PDE11A: variants seen among roughly 807,000 people sequenced by gnomAD.
PDE11A encodes dual 3',5'-cyclic-AMP and -GMP phosphodiesterase 11A.
In PDE11A, 100 loss-of-function variants were observed where a neutral mutation model predicts 100.5. The observed-to-expected ratio is 1.00, with a 90% CI of 0.85 to 1.18. PDE11A has a LOEUF of 1.18. Ranked by LOEUF, PDE11A falls within the 50% of genes most tolerant of loss-of-function variation. The probability of loss-of-function intolerance (pLI) is 0.00; values close to 1 mark genes in which losing one functional copy is unlikely to be tolerated. For missense variants in PDE11A, 1,141 were observed against 1,152.6 expected (o/e 0.99, Z 0.15); for synonymous variants, 381 against 420.8 (o/e 0.91, Z 1.16).
intron 9 of PDE11A, among the ~76,000 whole-genome samples, chr2:177,772,126 T>TA (rs1380661543): frequency 3.3e-5 from 5 of 152,204 alleles, no homozygotes; most frequent in African/African-American, 9.6e-5. Context: ...GACTTTTTTT[T>TA]ACTGAGTTTA....
At chr2:177,661,064 T>C (rs1364071560) in intron 19 of PDE11A, among the ~76,000 whole-genome samples, 1 of 152,170 alleles carries the variant, frequency 6.6e-6, no homozygotes, top group African/African-American at 2.4e-5. Context: ...CCCAGCTCTC[T>C]CTATGAGAGT....
intron 15 of PDE11A, among the ~76,000 whole-genome samples, chr2:177,684,005 C>G (rs2080905862): frequency 6.6e-6 from 1 of 152,112 alleles, no homozygotes; most frequent in Non-Finnish European, 1.5e-5. Context: ...AATTTGTAAA[C>G]AATATTAATA....
At chr2:178,047,040 ATTT>A (rs200317102) in intron 1 of PDE11A, among the ~76,000 whole-genome samples, 1 of 144,188 alleles carries the variant, frequency 6.9e-6, no homozygotes, top group Admixed American at 7.0e-5. Context: ...ACTTTCTGGG[ATTT>A]TTTTTTTTTT....
intron 2 of PDE11A, among the ~76,000 whole-genome samples, chr2:177,993,256 C>A (rs1395625024): frequency 1.3e-5 from 2 of 152,100 alleles, no homozygotes; most frequent in Admixed American, 6.5e-5. Flanking sequence ...CAACTCTCAG[C>A]TGTGTGGTTT....
chr2:177,949,520 A>T (rs34035940), intron 2 of PDE11A, among the ~76,000 whole-genome samples: 1 of 152,254 alleles, frequency 6.6e-6, no homozygotes, highest in Non-Finnish European at 1.5e-5. Flanking sequence ...GCCAGGGGGA[A>T]TTCAGAGCTT....
chr2:177,742,125 C>A lies in PDE11A; in HGVS notation c.1789-13953G>T, dbSNP rs369046624. Among the ~76,000 whole-genome samples the A allele has an allele frequency of 5.3e-5, 8 of 152,116 alleles. No individual in the cohort carries two copies. The East Asian group carries it at 9.7e-4, about 18-fold the overall frequency. Reference sequence around the variant, plus strand: ...CTGCACAGTCTGCCAGGGAAGGAGACCCTCTTGTGAAGAGCTGGCAGTGGA... The same window carrying A: ...CTGCACAGTCTGCCAGGGAAGGAGAACCTCTTGTGAAGAGCTGGCAGTGGA... On this transcript the variant is annotated intron_variant, in intron 10 of 19. Coordinates refer to ENST00000286063, the MANE Select transcript of PDE11A (RefSeq NM_016953.4).
At chr2:177,915,877 C>T (rs2084944645) in intron 2 of PDE11A, among the ~76,000 whole-genome samples, 1 of 152,216 alleles carries the variant, frequency 6.6e-6, no homozygotes, top group African/African-American at 2.4e-5. Flanking sequence ...TTTGGTATTG[C>T]TTCCACCTTC....
intron 1 of PDE11A, among the ~76,000 whole-genome samples, chr2:178,042,499 A>G (rs928816722): frequency 4.6e-5 from 7 of 152,152 alleles, no homozygotes; most frequent in Middle Eastern, 3.4e-3. Context: ...AAAAGAAGAA[A>G]AAAGTCCATC....
At chr2:177,786,723 A>G (rs965343517) in intron 9 of PDE11A, among the ~76,000 whole-genome samples, 2 of 152,154 alleles carry the variant, frequency 1.3e-5, no homozygotes, top group Admixed American at 6.5e-5. Flanking sequence ...GCCAAAGCTC[A>G]AGAACTACGT....
chr2:177,995,950 GGC>G (rs1317267238), intron 2 of PDE11A, among the ~76,000 whole-genome samples: 2 of 152,142 alleles, frequency 1.3e-5, no homozygotes, highest in African/African-American at 4.8e-5. Context: ...AGCCTAGCTG[GGC>G]GCGGTGGCTC....
chr2:177,735,891 A>G (rs1321502417), intron 10 of PDE11A, among the ~76,000 whole-genome samples: 2 of 152,180 alleles, frequency 1.3e-5, no homozygotes, highest in African/African-American at 2.4e-5. Context: ...TCTATGGCCA[A>G]ACCTCCCAGA....
In PDE11A at chr2:177,807,262, A is replaced by G. The variant is rs569482791; in HGVS notation, c.1737+9567T>C. ...GAAGCCAAAAGACAGTGGTATCTTA[A>G]AAGGGCTGAAAGAAAGAAAAAACTG... is the stretch of plus-strand genomic sequence containing the variant. On this transcript the variant is annotated intron_variant, in intron 9 of 19. Transcript: ENST00000286063. 2.6e-4 allele frequency among the ~76,000 whole-genome samples: 39 copies of G among 152,276 alleles called. No homozygotes were observed. The South Asian group carries it at 7.5e-3, about 29-fold the overall frequency.
intron 19 of PDE11A, among the ~76,000 whole-genome samples, chr2:177,631,303 A>C (rs1438118985): frequency 2.7e-4 from 11 of 40,610 alleles, no homozygotes; most frequent in Admixed American, 2.7e-3. Context: ...AAAAAAAAAA[A>C]AAAAAAACAA....
intron 13 of PDE11A, among the ~76,000 whole-genome samples, chr2:177,704,206 C>T (rs2105546838): frequency 6.6e-6 from 1 of 152,282 alleles, no homozygotes. Context: ...TTCTGACCTT[C>T]AGGAAGCTCA....
chr2:177,910,625 GCTTGAAAGCA>G (rs151141896), intron 2 of PDE11A, among the ~76,000 whole-genome samples: 9,440 of 152,126 alleles, frequency 0.062, 347 homozygotes, highest in South Asian at 0.15. Flanking sequence ...GCACTTTTCG[GCTTGAAAGCA>G]CTTTATGAAC....
intron 2 of PDE11A, among the ~76,000 whole-genome samples, chr2:177,992,451 G>GTTACCA (rs1255885493): frequency 7.0e-6 from 1 of 143,636 alleles, no homozygotes; most frequent in Non-Finnish European, 1.5e-5. Flanking sequence ...GTAAACAGAA[G>GTTACCA]TTACCAAAAT....
At chr2:177,651,009 C>T (rs1051464225) in intron 19 of PDE11A, among the ~76,000 whole-genome samples, 2 of 152,188 alleles carry the variant, frequency 1.3e-5, no homozygotes, top group Non-Finnish European at 2.9e-5. Context: ...AGAATCTATG[C>T]CCTGTCACTT....
intron 1 of PDE11A, among the ~76,000 whole-genome samples, chr2:178,058,012 C>G (rs1440793206): frequency 1.3e-5 from 2 of 152,088 alleles, no homozygotes; most frequent in African/African-American, 4.8e-5. Flanking sequence ...CACCTGCCAC[C>G]GTGCCCGGCC....
At chr2:177,677,095 G>A (rs1031951146) in intron 16 of PDE11A, among the ~76,000 whole-genome samples, 3 of 152,152 alleles carry the variant, frequency 2.0e-5, no homozygotes, top group African/African-American at 7.2e-5. Context: ...TCATAATGTG[G>A]ATAATTACTT....
Sources: gnomAD v4.1 joint callset for allele counts (sites outside exome capture counted in the v4.1 genomes callset) on GRCh38, gnomAD v4.1.1 for gene constraint, MANE v1.5 for transcripts, NCBI Gene and HGNC (gene_info 2026-07-23, HGNC 2026-07-21) for gene names.